Variants in CADM2 observed in about 807,000 individuals in gnomAD.
The protein encoded by CADM2 is cell adhesion molecule 2, also known as immunoglobulin superfamily member 4D.
CADM2 carries 12 observed loss-of-function variants against 49.8 expected under a neutral mutation model. The observed-to-expected ratio is 0.24, with a 90% CI of 0.15 to 0.39. CADM2 has a LOEUF of 0.39. CADM2 is among the 10% of genes least tolerant of loss of function. The pLI, the probability that CADM2 is intolerant of heterozygous loss-of-function variation, is 1.00. For missense variants in CADM2, 378 were observed against 492.3 expected, an observed-to-expected ratio of 0.77 and a Z score of 2.20; for synonymous variants, 214 against 175.4, an observed-to-expected ratio of 1.22 and a Z score of -1.74.
chr3:85,428,182 G>A (rs935165030), intron 1 of CADM2, among the ~76,000 whole-genome samples: 1 of 150,212 alleles, frequency 6.7e-6, no homozygotes, highest in Non-Finnish European at 1.5e-5. Flanking sequence ...AAAAGTGTGT[G>A]TATAATTTAT....
chr3:85,718,620 A>T (rs2067381971), intron 1 of CADM2, among the ~76,000 whole-genome samples: 1 of 152,134 alleles, frequency 6.6e-6, no homozygotes, highest in Non-Finnish European at 1.5e-5. Flanking sequence ...ATATAGAAAA[A>T]GATCATGTAA....
intron 1 of CADM2, among the ~76,000 whole-genome samples, chr3:85,270,435 G>T (rs142961001): frequency 2.6e-5 from 4 of 151,236 alleles, no homozygotes; most frequent in Non-Finnish European, 5.9e-5. Flanking sequence ...GAGATAAAGC[G>T]TTCATATTTT....
chr3:85,062,322 C>G (rs763588548), intron 1 of CADM2, among the ~76,000 whole-genome samples: 169 of 152,056 alleles, frequency 1.1e-3, no homozygotes, highest in Non-Finnish European at 2.1e-3. Context: ...CAAATCAAAA[C>G]CAACAAACAA....
At chr3:85,940,210 G>A (rs1210146063) in intron 7 of CADM2, among the ~76,000 whole-genome samples, 2 of 150,408 alleles carry the variant, frequency 1.3e-5, no homozygotes, top group Admixed American at 1.3e-4. Flanking sequence ...GTGGTGGTGG[G>A]CGCCTGTAAT....
chr3:85,612,993 AT>A (rs1234838672), intron 1 of CADM2, among the ~76,000 whole-genome samples: 2 of 151,730 alleles, frequency 1.3e-5, no homozygotes, highest in Non-Finnish European at 3.0e-5. Context: ...GTCTTTTGCT[AT>A]AAATTACAGA....
At chr3:85,659,053 A>AAATAATAATAATAAT (rs71112106) in intron 1 of CADM2, among the ~76,000 whole-genome samples, 15,476 of 139,846 alleles carry the variant, frequency 0.11, 957 homozygotes, top group South Asian at 0.15. Context: ...CTCTGTCTCT[A>AAATAATAATAATAAT]AATAATAATA....
At chr3:85,078,690 T>C (rs757225051) in intron 1 of CADM2, among the ~76,000 whole-genome samples, 18 of 151,832 alleles carry the variant, frequency 1.2e-4, no homozygotes, top group Admixed American at 5.9e-4. Context: ...TTCTTTCTTT[T>C]TTTTTTCTCT....
intron 3 of CADM2, among the ~76,000 whole-genome samples, chr3:85,857,000 T>G (rs913200761): frequency 3.3e-5 from 5 of 152,140 alleles, no homozygotes; most frequent in Non-Finnish European, 5.9e-5. Flanking sequence ...CAACAGAGAT[T>G]TATTTATTTC....
At chr3:85,537,164 T>G (rs1464731273) in intron 1 of CADM2, among the ~76,000 whole-genome samples, 3 of 152,110 alleles carry the variant, frequency 2.0e-5, no homozygotes, top group African/African-American at 7.2e-5. Context: ...GTTCTCAGAA[T>G]CGATCATGTT....
At chr3:85,980,431 TTAA>T (rs1456488794) in intron 8 of CADM2, among the ~76,000 whole-genome samples, 1 of 151,518 alleles carries the variant, frequency 6.6e-6, no homozygotes, top group East Asian at 1.9e-4. Context: ...TTTCCATTTT[TTAA>T]TAATGACATC....
chr3:85,404,655 A>C (rs2107450273), intron 1 of CADM2, among the ~76,000 whole-genome samples: 1 of 152,268 alleles, frequency 6.6e-6, no homozygotes, highest in East Asian at 1.9e-4. Context: ...TGCTTGAGTT[A>C]AATATGTTTA....
chr3:85,204,613 C>T (rs2041586961), intron 1 of CADM2, among the ~76,000 whole-genome samples: 1 of 152,092 alleles, frequency 6.6e-6, no homozygotes, highest in Non-Finnish European at 1.5e-5. Flanking sequence ...CAGACTAAAA[C>T]ATTAAAAAAA....
intron 1 of CADM2, among the ~76,000 whole-genome samples, chr3:85,453,027 C>A (rs1387234106): frequency 6.6e-6 from 1 of 152,050 alleles, no homozygotes; most frequent in Non-Finnish European, 1.5e-5. Flanking sequence ...AAAATAACTT[C>A]TTAAAGTGTA....
intron 1 of CADM2, among the ~76,000 whole-genome samples, chr3:85,214,466 T>G (rs919127641): frequency 1.1e-4 from 16 of 152,004 alleles, no homozygotes; most frequent in South Asian, 2.1e-4. Flanking sequence ...TTAAGGCCCA[T>G]GGACTCTGCT....
intron 1 of CADM2, among the ~76,000 whole-genome samples, chr3:85,647,216 T>C (rs1259292028): frequency 1.3e-5 from 2 of 151,848 alleles, no homozygotes; most frequent in Non-Finnish European, 3.0e-5. Context: ...TGCTAAAACT[T>C]GTAATATTTA....
chr3:85,294,467 A>T (rs1399519263), intron 1 of CADM2, among the ~76,000 whole-genome samples: 1 of 152,052 alleles, frequency 6.6e-6, no homozygotes, highest in African/African-American at 2.4e-5. Flanking sequence ...ACCAAAAAAG[A>T]GCCCACATCA....
intron 1 of CADM2, among the ~76,000 whole-genome samples, chr3:85,365,511 A>G (rs560372436): frequency 1.3e-5 from 2 of 152,140 alleles, no homozygotes; most frequent in South Asian, 4.1e-4. Context: ...CAGAGAGATT[A>G]CTGGGTGCTT....
At chr3:85,802,664 G>T (rs1213130112) in intron 3 of CADM2, among the ~76,000 whole-genome samples, 6 of 152,056 alleles carry the variant, frequency 3.9e-5, no homozygotes, top group Non-Finnish European at 8.8e-5. Flanking sequence ...GAATGTTGAA[G>T]TATTTCATGT....
intron 1 of CADM2, among the ~76,000 whole-genome samples, chr3:84,961,897 A>G (rs1278431349): frequency 1.3e-5 from 2 of 152,140 alleles, no homozygotes; most frequent in African/African-American, 4.8e-5. Context: ...TATTCAGTGC[A>G]GTGCGAAATA....
Sources: gnomAD v4.1 joint callset for allele counts (sites outside exome capture counted in the v4.1 genomes callset) on GRCh38, gnomAD v4.1.1 for gene constraint, MANE v1.5 for transcripts, NCBI Gene and HGNC (gene_info 2026-07-23, HGNC 2026-07-21) for gene names.